Variants in DISC1 observed in about 807,000 individuals in gnomAD.
DISC1 encodes DISC1 scaffold protein, also known as disrupted in schizophrenia 1 protein.
Under a neutral mutation model 84.5 loss-of-function variants are expected in DISC1, and 57 were observed. The observed-to-expected ratio is 0.67, with a 90% CI of 0.55 to 0.84. The LOEUF (loss-of-function observed/expected upper bound fraction) is 0.84. DISC1 is among the 40% of genes least tolerant of loss of function. The pLI, the probability that DISC1 is intolerant of heterozygous loss-of-function variation, is 0.00. For missense variants in DISC1, 1,000 were observed against 1,057.8 expected (o/e 0.95, Z 0.76); for synonymous variants, 411 against 415.2 (o/e 0.99, Z 0.12).
intron 2 of DISC1, among the ~76,000 whole-genome samples, chr1:231,697,535 G>A (rs2065869664): frequency 6.6e-6 from 1 of 151,908 alleles, no homozygotes; most frequent in African/African-American, 2.4e-5. Flanking sequence ...GAACTCCTGG[G>A]CTCAAGCGAT....
intron 3 of DISC1, among the ~76,000 whole-genome samples, chr1:231,731,913 C>A (rs2071569554): frequency 6.6e-6 from 1 of 152,234 alleles, no homozygotes; most frequent in Non-Finnish European, 1.5e-5. Flanking sequence ...CCAGGTAGAT[C>A]TAGTTTCACT....
chr1:231,850,247 C>T (rs1156610013), intron 9 of DISC1, among the ~76,000 whole-genome samples: 9 of 152,170 alleles, frequency 5.9e-5, no homozygotes, highest in Non-Finnish European at 2.9e-5. Flanking sequence ...TTATTGTGTC[C>T]CCATTGGCAT....
At chr1:231,998,209 A>G (rs777577742) in intron 10 of DISC1, among the ~76,000 whole-genome samples, 1 of 152,236 alleles carries the variant, frequency 6.6e-6, no homozygotes, top group Non-Finnish European at 1.5e-5. Context: ...GGACACCAGC[A>G]ATAGTCAGAG....
intron 9 of DISC1, among the ~76,000 whole-genome samples, chr1:231,951,562 C>A (rs1277958911): frequency 6.6e-6 from 1 of 152,202 alleles, no homozygotes; most frequent in Admixed American, 6.5e-5. Context: ...CATGTTTAAA[C>A]CCCCTCAAGC....
In DISC1 at chr1:231,796,057, C is replaced by T. The variant is rs542917084; in HGVS notation, c.1689+761C>T. The stretch of plus-strand genomic sequence containing the variant: ...CAATCATTTTGCCTACTTTATCCAT[C>T]GTTTATACTGCCATAGCAAGACCTT... On this transcript the variant is annotated intron_variant, in intron 7 of 12. Transcript: ENST00000439617. Among the ~76,000 whole-genome samples, 15 of 152,230 alleles carry T rather than the reference C, an allele frequency of 9.9e-5. No homozygotes were observed. The South Asian group carries it at 2.7e-3, about 27-fold the overall frequency.
intron 7 of DISC1, among the ~76,000 whole-genome samples, chr1:231,797,686 TG>T (rs1477875175): frequency 6.6e-6 from 1 of 152,074 alleles, no homozygotes. Context: ...CTATGAATTC[TG>T]GGGGGAAAAA....
In DISC1 at chr1:231,795,247, A is replaced by C. The variant is rs1333314341; in HGVS notation, c.1640A>C (p.Gln547Pro). The change falls in exon 7 of 13, where the codon CAG becomes CCG. Residue 547 changes from glutamine to proline, a missense_variant. Around this residue, in one of 3 missense-constraint regions of DISC1, gnomAD observed 397 missense variants for 377.5 expected, o/e 1.05. Transcript: ENST00000439617. ...AEPPETIRSL[Q>P]ERIKSLNLSL... ...CCTCTTTTTAATTCTTCCAGCCTCC[A>C]GGAAAGAATAAAATCCCTCAACTTG... is the stretch of plus-strand genomic sequence containing the variant. 2.5e-6 allele frequency: 4 copies of C among 1,613,554 alleles called. No homozygotes were observed. Among genetic ancestry groups the C allele is most frequent in the Non-Finnish European group, 3.4e-6 (4 of 1,179,626 alleles).
intron 9 of DISC1, among the ~76,000 whole-genome samples, chr1:231,875,011 G>A (rs1038544167): frequency 1.3e-5 from 2 of 151,974 alleles, no homozygotes; most frequent in African/African-American, 4.8e-5. Context: ...TGGAGACATC[G>A]TAAGCCCTCA....
At chr1:231,899,581 A>G (rs1455217025) in intron 9 of DISC1, among the ~76,000 whole-genome samples, 1 of 152,234 alleles carries the variant, frequency 6.6e-6, no homozygotes, top group Admixed American at 6.5e-5. Flanking sequence ...ATTTATAGCA[A>G]TAAGTACTCA....
At chr1:231,702,433 A>G (rs2066538553) in intron 3 of DISC1, 2 of 990,194 alleles carry the variant, frequency 2.0e-6, no homozygotes, top group South Asian at 4.6e-5. Flanking sequence ...TTGTGATGCC[A>G]GTAAACTTAA....
intron 9 of DISC1, among the ~76,000 whole-genome samples, chr1:231,845,593 G>C (rs1214721900): frequency 6.6e-6 from 1 of 152,164 alleles, no homozygotes; most frequent in Non-Finnish European, 1.5e-5. Flanking sequence ...TTCAGGGAGA[G>C]GGAATGGCAA....
At chr1:231,916,450 C>A (rs553590794) in intron 9 of DISC1, among the ~76,000 whole-genome samples, 2 of 151,710 alleles carry the variant, frequency 1.3e-5, no homozygotes, top group African/African-American at 4.8e-5. Context: ...GTCAGGAGAT[C>A]GAGACCATCC....
chr1:232,023,985 A>G (rs756259841), intron 11 of DISC1, among the ~76,000 whole-genome samples: 1 of 151,532 alleles, frequency 6.6e-6, no homozygotes, highest in Non-Finnish European at 1.5e-5. Flanking sequence ...CCTCAATTTC[A>G]TATCTTTGAT....
chr1:231,990,312 C>T (rs1665031755), intron 10 of DISC1, among the ~76,000 whole-genome samples: 1 of 151,842 alleles, frequency 6.6e-6, no homozygotes, highest in African/African-American at 2.4e-5. Flanking sequence ...CTTGGAAAGA[C>T]ACGGGGAAGG....
chr1:231,767,408 C>T, intron 5 of DISC1, 139 bp downstream of exon 5: 1 of 1,297,146 alleles, frequency 7.7e-7, no homozygotes, highest in Non-Finnish European at 1.1e-6. Flanking sequence ...GTGATTCTCC[C>T]ACCTCAGCCT....
At chr1:231,858,952 G>A (rs1179322469) in intron 9 of DISC1, among the ~76,000 whole-genome samples, 1 of 152,206 alleles carries the variant, frequency 6.6e-6, no homozygotes, top group South Asian at 2.1e-4. Flanking sequence ...AAATCCAGAA[G>A]CTAATTTCTA....
intron 9 of DISC1, among the ~76,000 whole-genome samples, chr1:231,850,750 A>G (rs531001993): frequency 2.0e-5 from 3 of 152,248 alleles, no homozygotes; most frequent in African/African-American, 4.8e-5. Context: ...TAAATATGGT[A>G]AAGTGGGGCA....
intron 3 of DISC1, chr1:231,720,707 C>A: frequency 1.8e-6 from 1 of 562,288 alleles, no homozygotes; most frequent in Admixed American, 3.1e-5. Flanking sequence ...TTTTCTACCA[C>A]TGGGTGATTT....
intron 12 of DISC1, among the ~76,000 whole-genome samples, chr1:232,029,168 C>T (rs370773864): frequency 2.6e-5 from 4 of 152,148 alleles, no homozygotes; most frequent in Non-Finnish European, 5.9e-5. Flanking sequence ...TTGTGATAAG[C>T]GGAGAAGCAC....
Sources: allele counts gnomAD v4.1 joint callset (sites outside exome capture counted in the v4.1 genomes callset), GRCh38; gene constraint gnomAD v4.1.1; regional missense constraint gnomAD v4.1.1; transcripts MANE v1.5; gene names NCBI Gene and HGNC (gene_info 2026-07-23, HGNC 2026-07-21).